The following RIMS2 variants were observed in gnomAD, a reference collection of about 807,000 sequenced individuals.
RIMS2 encodes regulating synaptic membrane exocytosis 2, also known as regulating synaptic membrane exocytosis protein 2.
RIMS2 carries 59 observed loss-of-function variants against 174.4 expected under a neutral mutation model. The observed-to-expected ratio is 0.34, with a 90% CI of 0.27 to 0.42. RIMS2 has a LOEUF of 0.42. Among genes scored for constraint, RIMS2 ranks in the 10% least tolerant of loss-of-function variants. RIMS2 has a pLI of 1.00. For missense variants in RIMS2, 1,620 were observed against 1,666.3 expected, an observed-to-expected ratio of 0.97 and a Z score of 0.48; for synonymous variants, 606 against 572.5, an observed-to-expected ratio of 1.06 and a Z score of -0.84.
intron 1 of RIMS2, among the ~76,000 whole-genome samples, chr8:103,511,247 A>G (rs1376494983): frequency 6.6e-6 from 1 of 152,200 alleles, no homozygotes; most frequent in Non-Finnish European, 1.5e-5. Context: ...AGCAGTAGTC[A>G]TGTTAGTTAA....
chr8:103,503,894 A>G (rs1408665055), intron 1 of RIMS2, among the ~76,000 whole-genome samples: 5 of 152,094 alleles, frequency 3.3e-5, no homozygotes, highest in Non-Finnish European at 5.9e-5. Flanking sequence ...CATTACTGTT[A>G]TCTCTCACCT....
At chr8:103,582,349 G>A (rs2093665949) in intron 1 of RIMS2, among the ~76,000 whole-genome samples, 1 of 152,132 alleles carries the variant, frequency 6.6e-6, no homozygotes, top group African/African-American at 2.4e-5. Flanking sequence ...ATGAGACTCA[G>A]CACATTACCA....
At chr8:103,677,750 C>T (rs1590160880) in intron 1 of RIMS2, among the ~76,000 whole-genome samples, 1 of 152,050 alleles carries the variant, frequency 6.6e-6, no homozygotes, top group African/African-American at 2.4e-5. Context: ...TCAGGTAGCC[C>T]CCCAACCAGA....
Position 103,528,107 on chromosome 8 carries a change from A to G in RIMS2, c.176+27045A>G, listed in dbSNP as rs577108017. Among the ~76,000 whole-genome samples the G allele has an allele frequency of 5.7e-4, 86 of 152,180 alleles. 1 individual carries two copies. The highest frequency in any genetic ancestry group is 3.4e-3 in the Middle Eastern group (1 of 294). Reference sequence around the variant, plus strand: ...TCTAACTGGTGTGAGATGGCATCTCATTGTGGTTTTGATTTGCATTTCTCT... The same window carrying G: ...TCTAACTGGTGTGAGATGGCATCTCGTTGTGGTTTTGATTTGCATTTCTCT... On this transcript the variant is annotated intron_variant, in intron 1 of 23. Coordinates refer to ENST00000504942, the Ensembl canonical transcript of RIMS2.
intron 1 of RIMS2, among the ~76,000 whole-genome samples, chr8:103,633,827 T>C (rs140900727): frequency 1.4e-3 from 212 of 152,356 alleles, no homozygotes; most frequent in African/African-American, 4.9e-3. Flanking sequence ...GTAGAGGTTT[T>C]TGTAGTAGTT....
intron 3 of RIMS2, chr8:103,768,433 A>G: frequency 1.3e-6 from 1 of 762,918 alleles, no homozygotes; most frequent in South Asian, 1.4e-5. Context: ...ATGTGGTCCT[A>G]ATCAGTGGTG....
chr8:103,972,380 A>G (rs1208007426), intron 15 of RIMS2, among the ~76,000 whole-genome samples: 4 of 152,124 alleles, frequency 2.6e-5, no homozygotes, highest in Admixed American at 2.0e-4. Flanking sequence ...ATCCACTTCT[A>G]TAATCTCTGT....
chr8:103,796,993 G>A (rs552041656), intron 3 of RIMS2, among the ~76,000 whole-genome samples: 1 of 152,100 alleles, frequency 6.6e-6, no homozygotes, highest in Non-Finnish European at 1.5e-5. Context: ...TTTTTTGTGG[G>A]GAAACAGTTT....
At chr8:103,986,238 TAGAG>T (rs1347270318) in intron 16 of RIMS2, among the ~76,000 whole-genome samples, 1 of 151,748 alleles carries the variant, frequency 6.6e-6, no homozygotes, top group African/African-American at 2.4e-5. Flanking sequence ...TTAACGAAAA[TAGAG>T]AGCTAAATAA....
downstream of RIMS2, chr8:104,252,751 A>G (rs1045322624): frequency 2.6e-5 from 4 of 152,224 alleles, no homozygotes; most frequent in Non-Finnish European, 5.9e-5. Flanking sequence ...ACAAATAAGT[A>G]TAATATATTC....
At chr8:103,885,912 G>A (rs2154519935) in exon 4 of RIMS2, 1 of 1,612,986 alleles carries the variant, frequency 6.2e-7, no homozygotes, top group Non-Finnish European at 8.5e-7. Flanking sequence ...ACCCCCAGGA[G>A]GAGTCCACTA....
At chr8:104,010,285 T>G (rs2154553453) in intron 17 of RIMS2, among the ~76,000 whole-genome samples, 1 of 152,242 alleles carries the variant, frequency 6.6e-6, no homozygotes, top group South Asian at 2.1e-4. Flanking sequence ...AACTGACAAC[T>G]TTGCTGGATG....
intron 16 of RIMS2, 147 bp from the exon 19 acceptor site, chr8:103,989,158 C>T: frequency 8.4e-6 from 5 of 595,488 alleles, no homozygotes; most frequent in South Asian, 2.0e-5. Flanking sequence ...AAACTTATAC[C>T]TTTAGTTAGA....
intron 16 of RIMS2, among the ~76,000 whole-genome samples, chr8:103,982,895 A>G (rs1161479536): frequency 1.3e-5 from 2 of 152,194 alleles, no homozygotes. Flanking sequence ...TGGAAGTCCT[A>G]ACTAGTGCAA....
At chr8:103,565,960 AC>A (rs2092302415) in intron 1 of RIMS2, among the ~76,000 whole-genome samples, 1 of 152,144 alleles carries the variant, frequency 6.6e-6, no homozygotes, top group Non-Finnish European at 1.5e-5. Context: ...GTTTGTCAAA[AC>A]CAAAAAATGT....
At chr8:103,718,742 A>G (rs1278764024) in intron 2 of RIMS2, among the ~76,000 whole-genome samples, 2 of 151,756 alleles carry the variant, frequency 1.3e-5, no homozygotes, top group Non-Finnish European at 2.9e-5. Flanking sequence ...ATCTCAGCTC[A>G]CTGCAATCTC....
At chr8:103,988,381 C>A (rs1055151642) in intron 16 of RIMS2, among the ~76,000 whole-genome samples, 2 of 152,070 alleles carry the variant, frequency 1.3e-5, no homozygotes, top group African/African-American at 4.8e-5. Flanking sequence ...ATATGACATG[C>A]CATGTCTTAA....
intron 1 of RIMS2, among the ~76,000 whole-genome samples, chr8:103,572,784 C>G (rs2092929063): frequency 1.3e-5 from 2 of 151,840 alleles, no homozygotes; most frequent in South Asian, 4.2e-4. Context: ...TATTTAAGTT[C>G]CTTATAGATT....
At chr8:104,160,469 CTTAT>C (rs2098754321) in intron 19 of RIMS2, among the ~76,000 whole-genome samples, 1 of 152,052 alleles carries the variant, frequency 6.6e-6, no homozygotes, top group African/African-American at 2.4e-5. Context: ...TCAAATGTTT[CTTAT>C]TTATCATCTC....
Sources: allele counts gnomAD v4.1 joint callset (sites outside exome capture counted in the v4.1 genomes callset), GRCh38; gene constraint gnomAD v4.1.1; transcripts MANE v1.5; gene names NCBI Gene and HGNC (gene_info 2026-07-23, HGNC 2026-07-21).